Variants in DNAJA2 observed in about 807,000 individuals in gnomAD.
The protein encoded by DNAJA2 is dnaJ homolog subfamily A member 2.
A neutral mutation model predicts 49.3 loss-of-function variants in DNAJA2; 6 were observed. The ratio of observed to expected loss-of-function variants is 0.12; its 90% confidence interval spans 0.07 to 0.24. The LOEUF is 0.24. DNAJA2 is among the 10% of genes least tolerant of loss of function. DNAJA2 has a pLI of 1.00. For synonymous variants in DNAJA2, 160 were observed against 172.7 expected, an observed-to-expected ratio of 0.93 and a Z score of 0.58; for missense variants, 347 against 516.8, an observed-to-expected ratio of 0.67 and a Z score of 3.19.
intron 3 of DNAJA2, among the ~76,000 whole-genome samples, chr16:46,969,417 G>A (rs1228090274): frequency 2.0e-5 from 3 of 152,072 alleles, no homozygotes; most frequent in South Asian, 2.1e-4. Flanking sequence ...AAAGAAAATC[G>A]GCTTTCTTCC....
intron 6 of DNAJA2, 64 bp downstream of exon 6, chr16:46,964,547 T>C: frequency 6.7e-7 from 1 of 1,496,104 alleles, no homozygotes; most frequent in South Asian, 1.3e-5. Flanking sequence ...CTAACCTATT[T>C]CTCACAAGCA....
intron 1 of DNAJA2, among the ~76,000 whole-genome samples, chr16:46,973,169 G>A (rs1962081461): frequency 6.6e-6 from 1 of 152,202 alleles, no homozygotes; most frequent in South Asian, 2.1e-4. Flanking sequence ...CGAAGGACCG[G>A]GCGAGCTGCT....
intron 1 of DNAJA2, 136 bp from the exon 2 acceptor site, chr16:46,972,091 A>G: frequency 1.5e-6 from 1 of 669,736 alleles, no homozygotes; most frequent in Non-Finnish European, 2.6e-6. Context: ...ATTCGTAGGG[A>G]TTCTTCGGCA....
intron 6 of DNAJA2, among the ~76,000 whole-genome samples, chr16:46,959,870 C>T (rs1397566719): frequency 2.6e-5 from 4 of 152,198 alleles, no homozygotes; most frequent in Non-Finnish European, 5.9e-5. Flanking sequence ...TAACACCCAG[C>T]CAGCAAAGTC....
intron 6 of DNAJA2, among the ~76,000 whole-genome samples, chr16:46,960,354 G>A (rs1961877487): frequency 6.6e-6 from 1 of 152,182 alleles, no homozygotes; most frequent in African/African-American, 2.4e-5. Context: ...GTCCTAACAA[G>A]CCCTCCAGGC....
At chr16:46,961,867 G>GAT (rs1026382640) in intron 6 of DNAJA2, among the ~76,000 whole-genome samples, 20 of 152,040 alleles carry the variant, frequency 1.3e-4, no homozygotes, top group Admixed American at 9.2e-4. Flanking sequence ...ACAGGTTATA[G>GAT]AGGCGTGACT....
intron 3 of DNAJA2, 103 bp from the exon 4 acceptor site, chr16:46,968,267 C>G: frequency 1.4e-6 from 1 of 731,378 alleles, no homozygotes; most frequent in East Asian, 2.8e-5. Context: ...ACTTTTAAAA[C>G]AGAATTCAAA....
chr16:46,956,964 G>A lies in DNAJA2; in HGVS notation c.*65C>T. The A allele has an allele frequency of 1.9e-6, 3 of 1,570,740 alleles. No homozygotes were observed. The highest frequency in any genetic ancestry group is 2.6e-6 in the Non-Finnish European group (3 of 1,140,796). On this transcript the variant is annotated 3_prime_UTR_variant, in exon 9 of 9. Transcript: ENST00000317089. ...CTGGATTGATAAGACACTCCAGCTG[G>A]ATTGCTGAGAACAAATCAGGCAAAT...
At chr16:46,967,790 TCTG>T (rs1035994972) in intron 4 of DNAJA2, 144 bp from the exon 5 acceptor site, 4 of 1,223,678 alleles carry the variant, frequency 3.3e-6, no homozygotes, top group Non-Finnish European at 4.6e-6. Context: ...CAGAAAACAT[TCTG>T]CTAAGATTTT....
chr16:46,968,765 T>C (rs978481161), intron 3 of DNAJA2, among the ~76,000 whole-genome samples: 1 of 152,178 alleles, frequency 6.6e-6, no homozygotes, highest in Non-Finnish European at 1.5e-5. Context: ...TAGTTTTTCA[T>C]GCCAGGTGCA....
chr16:46,963,269 T>C (rs1961924064), intron 6 of DNAJA2, among the ~76,000 whole-genome samples: 1 of 152,128 alleles, frequency 6.6e-6, no homozygotes, highest in Non-Finnish European at 1.5e-5. Context: ...TTTAGGTGAT[T>C]ACTGGAGGGG....
rs372523926 is a variant in DNAJA2, at chr16:46,959,096, C to A, written c.954G>T (p.Pro318=). Residue 318 remains proline, a synonymous_variant, in exon 8 of 9, where the codon CCG becomes CCT. Coordinates refer to ENST00000317089, the MANE Select transcript of DNAJA2 (RefSeq NM_005880.4). ...CVRVVRGEGM[P]QYRNPFEKGD... is the part of the protein sequence containing the mutation. ...CTTTTTCAAAGGGATTACGATACTGCGGCATCCCTTCACCTCGAACTACAC... is the reference window on the plus strand; with the variant it reads ...CTTTTTCAAAGGGATTACGATACTGAGGCATCCCTTCACCTCGAACTACAC... The A allele has an allele frequency of 1.3e-6, 2 of 1,595,452 alleles. No homozygotes were observed. The highest frequency in any genetic ancestry group is 1.7e-6 in the Non-Finnish European group (2 of 1,171,752).
At chr16:46,966,329 A>T (rs1163544218) in intron 5 of DNAJA2, among the ~76,000 whole-genome samples, 2 of 152,248 alleles carry the variant, frequency 1.3e-5, no homozygotes, top group Non-Finnish European at 2.9e-5. Context: ...CACTTCCAAT[A>T]GCAATTTGGA....
Position 46,967,524 on chromosome 16 carries a change from CA to C in DNAJA2, c.565del (p.Cys189ValfsTer7). 1 of 1,614,198 alleles carries C rather than the reference CA, an allele frequency of 6.2e-7. No homozygotes were observed. The highest frequency in any genetic ancestry group is 8.5e-7 in the Non-Finnish European group (1 of 1,180,028). ...ACTGGCACACATACCTTCTCCATTA[CA>C]ATCAGAGCACACAGACTGCATCTGT... ...VQQMQSVCSD[C>X]NGEGEVINEK... On this transcript the variant is annotated frameshift_variant, in exon 5 of 9. Transcript: ENST00000317089. LOFTEE classifies it high-confidence loss of function.
chr16:46,956,607 CTTT>C lies in DNAJA2; in HGVS notation c.*419_*421del, dbSNP rs1961817242. 1 of 161,206 alleles carries C rather than the reference CTTT, an allele frequency of 6.2e-6. No homozygotes were observed. Among genetic ancestry groups the C allele is most frequent in the South Asian group, 1.7e-4 (1 of 5,894 alleles). The allele number at this position is 161,206 out of a possible 1,614,324, so 10.0% of individuals were successfully genotyped here. A position where few individuals can be genotyped will look rare whatever the true frequency, so the allele number is the denominator to read the frequency against. On this transcript the variant is annotated 3_prime_UTR_variant, in exon 9 of 9. Coordinates refer to ENST00000317089, the MANE Select transcript of DNAJA2 (RefSeq NM_005880.4). ...AATGATAGATACAGGCTATGAAATT[CTTT>C]ATTCTATTTGTAGCAGCTTATGCAG...
chr16:46,959,746 G>A (rs984732621), intron 6 of DNAJA2: 32 of 209,994 alleles, frequency 1.5e-4, no homozygotes, highest in African/African-American at 7.1e-4. Flanking sequence ...AAAAGGTACA[G>A]AATGCCCAGA....
intron 1 of DNAJA2, 158 bp from the exon 2 acceptor site, chr16:46,972,113 T>C (rs1962060475): frequency 3.3e-6 from 2 of 614,998 alleles, no homozygotes; most frequent in Non-Finnish European, 2.9e-6. Context: ...TTTCTCGCGA[T>C]ACTGTTTACT....
intron 8 of DNAJA2, among the ~76,000 whole-genome samples, chr16:46,958,363 A>C (rs1379947681): frequency 6.6e-6 from 1 of 152,066 alleles, no homozygotes; most frequent in African/African-American, 2.4e-5. Flanking sequence ...CATCGATCTA[A>C]CATGGCTAAC....
chr16:46,958,401 A>C (rs1961846472), intron 8 of DNAJA2, among the ~76,000 whole-genome samples: 1 of 152,108 alleles, frequency 6.6e-6, no homozygotes, highest in African/African-American at 2.4e-5. Flanking sequence ...CTAACTAAAA[A>C]TACAAAAACA....
Sources: allele counts gnomAD v4.1 joint callset (sites outside exome capture counted in the v4.1 genomes callset), GRCh38; gene constraint gnomAD v4.1.1; transcripts MANE v1.5; gene names NCBI Gene and HGNC (gene_info 2026-07-23, HGNC 2026-07-21).